The following ELK3 variants were observed in gnomAD, a reference collection of about 807,000 sequenced individuals.
ELK3 encodes the protein ETS domain-containing protein Elk-3.
ELK3 carries 10 observed loss-of-function variants against 28.9 expected under a neutral mutation model. The observed-to-expected ratio is 0.35, with a 90% CI of 0.21 to 0.59. The LOEUF (loss-of-function observed/expected upper bound fraction) is 0.59. Ranked by LOEUF, ELK3 falls within the 20% of genes least tolerant of loss-of-function variation. The pLI is 0.82. For missense variants in ELK3, 463 were observed against 517.3 expected (o/e 0.90, Z 1.02); for synonymous variants, 272 against 243.5 (o/e 1.12, Z -1.09).
Position 96,223,587 on chromosome 12 carries a change from G to T in ELK3, c.21G>T (p.Leu7=). The change falls in exon 2 of 5, where the codon CTG becomes CTT. Residue 7 remains leucine (L), a synonymous_variant. Coordinates refer to ENST00000228741, the MANE Select transcript of ELK3 (RefSeq NM_005230.4). MESAIT[L]WQFLLQLLLD... is the part of the protein sequence containing the mutation. ...CAGGTATGGAGAGTGCAATCACGCT[G>T]TGGCAGTTCCTGTTGCAGTTGCTGC... 1 of 1,614,176 alleles carries T rather than the reference G, an allele frequency of 6.2e-7. No individual in the cohort carries two copies. Among genetic ancestry groups the T allele is most frequent in the South Asian group, 1.1e-5 (1 of 91,088 alleles).
intron 3 of ELK3, among the ~76,000 whole-genome samples, chr12:96,256,476 G>A (rs1355831675): frequency 6.6e-6 from 1 of 152,182 alleles, no homozygotes; most frequent in Non-Finnish European, 1.5e-5. Context: ...GAAAGGTGCT[G>A]AGCTTCATGA....
At chr12:96,248,066 T>C (rs1052005423) in intron 3 of ELK3, among the ~76,000 whole-genome samples, 3 of 152,194 alleles carry the variant, frequency 2.0e-5, no homozygotes, top group Non-Finnish European at 4.4e-5. Context: ...CCAGTTTACA[T>C]TTCGGGAGGC....
At chr12:96,231,819 A>G (rs1405341060) in intron 2 of ELK3, among the ~76,000 whole-genome samples, 1 of 152,108 alleles carries the variant, frequency 6.6e-6, no homozygotes, top group Non-Finnish European at 1.5e-5. Context: ...TCCAGTTGAC[A>G]CGGCCTCTTC....
At chr12:96,207,910 T>C (rs1951549286) in intron 1 of ELK3, among the ~76,000 whole-genome samples, 1 of 152,238 alleles carries the variant, frequency 6.6e-6, no homozygotes, top group Non-Finnish European at 1.5e-5. Flanking sequence ...ATCCTCTAAA[T>C]AGTGTCTAGC....
chr12:96,221,197 A>T (rs1951659104), intron 1 of ELK3, among the ~76,000 whole-genome samples: 1 of 152,220 alleles, frequency 6.6e-6, no homozygotes, highest in Admixed American at 6.5e-5. Flanking sequence ...AGTCTGCCAT[A>T]TGGGTTCTCA....
At chr12:96,226,938 A>G (rs1322924269) in intron 2 of ELK3, among the ~76,000 whole-genome samples, 1 of 152,226 alleles carries the variant, frequency 6.6e-6, no homozygotes, top group Non-Finnish European at 1.5e-5. Context: ...ACTACACTCT[A>G]TTTGACATTT....
intron 2 of ELK3, among the ~76,000 whole-genome samples, chr12:96,242,346 C>T (rs1409429390): frequency 6.6e-6 from 1 of 152,208 alleles, no homozygotes; most frequent in African/African-American, 2.4e-5. Context: ...CGAGCCTCAG[C>T]TTGCTTATCT....
intron 1 of ELK3, among the ~76,000 whole-genome samples, chr12:96,219,103 G>T (rs936964576): frequency 6.6e-6 from 1 of 152,190 alleles, no homozygotes; most frequent in Admixed American, 6.5e-5. Context: ...AGGCCTCCAT[G>T]TGCATAATAA....
At chr12:96,230,563 A>G (rs967538370) in intron 2 of ELK3, among the ~76,000 whole-genome samples, 1 of 152,188 alleles carries the variant, frequency 6.6e-6, no homozygotes, top group African/African-American at 2.4e-5. Context: ...TCAAAGACAC[A>G]TCGCTGAGCC....
At chr12:96,206,315 A>G (rs1224369780) in intron 1 of ELK3, among the ~76,000 whole-genome samples, 1 of 151,046 alleles carries the variant, frequency 6.6e-6, no homozygotes, top group Non-Finnish European at 1.5e-5. Context: ...TTTCCCTTTT[A>G]TTTATTTATT....
At chr12:96,230,291 G>A (rs572619624) in intron 2 of ELK3, among the ~76,000 whole-genome samples, 1 of 152,250 alleles carries the variant, frequency 6.6e-6, no homozygotes, top group South Asian at 2.1e-4. Flanking sequence ...TATGATGCTC[G>A]CACAACAACG....
chr12:96,263,598 A>T (rs1388287493), intron 4 of ELK3, among the ~76,000 whole-genome samples: 2 of 152,220 alleles, frequency 1.3e-5, no homozygotes, highest in Non-Finnish European at 2.9e-5. Flanking sequence ...TGAATAGTGG[A>T]TGAGTAAACA....
intron 1 of ELK3, among the ~76,000 whole-genome samples, chr12:96,204,708 A>G (rs1406479310): frequency 5.3e-5 from 8 of 152,212 alleles, no homozygotes; most frequent in African/African-American, 9.7e-5. Flanking sequence ...GTAGGTTGTC[A>G]TCATCCTCAG....
intron 3 of ELK3, among the ~76,000 whole-genome samples, chr12:96,252,151 G>A (rs34077613): frequency 0.052 from 7,869 of 152,288 alleles, 266 homozygotes; most frequent in Non-Finnish European, 0.064. Flanking sequence ...AAGTCTGGAC[G>A]ACAGCACATC....
At chr12:96,230,301 G>A (rs1383199377) in intron 2 of ELK3, among the ~76,000 whole-genome samples, 1 of 152,176 alleles carries the variant, frequency 6.6e-6, no homozygotes, top group African/African-American at 2.4e-5. Context: ...GCACAACAAC[G>A]AAATTCCCCA....
chr12:96,239,720 G>C (rs1349744888), intron 2 of ELK3, among the ~76,000 whole-genome samples: 1 of 152,220 alleles, frequency 6.6e-6, no homozygotes, highest in Non-Finnish European at 1.5e-5. Context: ...AGTGCGCAGG[G>C]CCAGCAGCTT....
intron 1 of ELK3, among the ~76,000 whole-genome samples, chr12:96,202,257 A>T (rs1178335032): frequency 6.6e-6 from 1 of 152,160 alleles, no homozygotes; most frequent in Non-Finnish European, 1.5e-5. Context: ...AAGCTGCAAG[A>T]TGTGATTTGG....
At chr12:96,208,901 G>A (rs1449778503) in intron 1 of ELK3, among the ~76,000 whole-genome samples, 3 of 152,246 alleles carry the variant, frequency 2.0e-5, no homozygotes, top group Non-Finnish European at 4.4e-5. Context: ...AGATGGTTGG[G>A]CACCTCTCTG....
intron 2 of ELK3, among the ~76,000 whole-genome samples, chr12:96,232,542 G>A (rs1951749522): frequency 6.6e-6 from 1 of 150,572 alleles, no homozygotes; most frequent in Non-Finnish European, 1.5e-5. Flanking sequence ...CTGCACTGCA[G>A]CCTGGGCAAC....
Sources: gnomAD v4.1 joint callset for allele counts (sites outside exome capture counted in the v4.1 genomes callset) on GRCh38, gnomAD v4.1.1 for gene constraint, MANE v1.5 for transcripts, NCBI Gene and HGNC (gene_info 2026-07-23, HGNC 2026-07-21) for gene names.